FGF2: variants seen among roughly 807,000 people sequenced by gnomAD.
The protein encoded by FGF2 is basic fibroblast growth factor bFGF.
In FGF2, 13 loss-of-function variants were observed where a neutral mutation model predicts 15.9. The ratio of observed to expected loss-of-function variants is 0.82; its 90% confidence interval spans 0.53 to 1.30. The LOEUF is 1.30. FGF2 is among the 50% of genes most tolerant of loss of function. The pLI is 0.00. For missense variants in FGF2, 163 were observed against 196.9 expected (o/e 0.83, Z 1.03); for synonymous variants, 90 against 78.4 (o/e 1.15, Z -0.78).
At chr4:122,840,309 T>G (rs541255401) in intron 1 of FGF2, 2 of 152,338 alleles carry the variant, frequency 1.3e-5, no homozygotes, top group South Asian at 4.1e-4. Flanking sequence ...ATCATGTTAC[T>G]TCTCAGAAAC....
At chr4:122,830,435 C>A (rs1403077722) in intron 1 of FGF2, among the ~76,000 whole-genome samples, 2 of 152,116 alleles carry the variant, frequency 1.3e-5, no homozygotes, top group Non-Finnish European at 2.9e-5. Flanking sequence ...TGCTTCACAC[C>A]TGGGCATTCT....
In FGF2 at chr4:122,888,441, A is replaced by T. The variant is rs148626788; in HGVS notation, c.283-3770A>T. On this transcript the variant is annotated intron_variant, in intron 2 of 2. Coordinates refer to ENST00000644866, the MANE Select transcript of FGF2 (RefSeq NM_001361665.2). ...ATCATGTTATTTTTCTGCTGAAAAG[A>T]CTCCAGTGGCTCTCCATTTTCTTAG... Among the ~76,000 whole-genome samples the T allele has an allele frequency of 4.5e-3, 690 of 151,914 alleles. 9 individuals are homozygous for T. The highest frequency in any genetic ancestry group is 6.4e-3 in the Non-Finnish European group (437 of 67,936).
In FGF2 at chr4:122,897,590, T is replaced by A. The variant is rs1250416558; in HGVS notation, c.*5194T>A. 6.9e-7 allele frequency: 1 copy of A among 1,456,326 alleles called. No homozygotes were observed. Among genetic ancestry groups the A allele is most frequent in the Non-Finnish European group, 9.6e-7 (1 of 1,037,188 alleles). The allele number at this position is 1,456,326 out of a possible 1,614,324, so 90.2% of individuals were successfully genotyped here. A position where few individuals can be genotyped will look rare whatever the true frequency, so the allele number is the denominator to read the frequency against. ...GTAAACACATTAATTTCCTCAACAT[T>A]TTTAAGCCAATTAAAAATATAAAAG... is the stretch of plus-strand genomic sequence containing the variant. On this transcript the variant is annotated 3_prime_UTR_variant, in exon 3 of 3. Transcript: ENST00000644866.
chr4:122,865,073 A>G (rs576179040), intron 1 of FGF2, among the ~76,000 whole-genome samples: 1 of 152,302 alleles, frequency 6.6e-6, no homozygotes, highest in South Asian at 2.1e-4. Context: ...GTTTTTACAT[A>G]TTAAATATTC....
chr4:122,887,798 A>T (rs1427687894), intron 2 of FGF2, among the ~76,000 whole-genome samples: 1 of 152,180 alleles, frequency 6.6e-6, no homozygotes, highest in Non-Finnish European at 1.5e-5. Context: ...CTAACACATG[A>T]CAAATTTATA....
chr4:122,881,461 T>A (rs1354964039), intron 2 of FGF2, among the ~76,000 whole-genome samples: 1 of 152,228 alleles, frequency 6.6e-6, no homozygotes, highest in Non-Finnish European at 1.5e-5. Context: ...AAACATTTCT[T>A]CCGCCAGATA....
chr4:122,880,244 TC>T (rs1726934447), intron 2 of FGF2, among the ~76,000 whole-genome samples: 1 of 142,912 alleles, frequency 7.0e-6, no homozygotes, highest in Non-Finnish European at 1.5e-5. Flanking sequence ...GGCAGTCAAA[TC>T]TTTTTTTTTT....
chr4:122,884,275 C>G (rs1469900760), intron 2 of FGF2: 2 of 152,248 alleles, frequency 1.3e-5, no homozygotes, highest in African/African-American at 2.4e-5. Flanking sequence ...AGGTGGATCA[C>G]TTGAGGTCAG....
Position 122,897,556 on chromosome 4 carries a change from A to G in FGF2, c.*5160A>G, listed in dbSNP as rs189884686. ...TTTAAATTTTTATTCTTAGCTATAA[A>G]GCAAGAAAGTAAACACATTAATTTC... On this transcript the variant is annotated 3_prime_UTR_variant, in exon 3 of 3. Transcript: ENST00000644866. 7 of 1,134,300 alleles carry G rather than the reference A, an allele frequency of 6.2e-6. No individual in the cohort carries two copies. Among genetic ancestry groups the G allele is most frequent in the Admixed American group, 5.3e-5 (3 of 56,868 alleles). The allele number at this position is 1,134,300 out of a possible 1,614,324, so 70.3% of individuals were successfully genotyped here. A position where few individuals can be genotyped will look rare whatever the true frequency, so the allele number is the denominator to read the frequency against.
Position 122,827,663 on chromosome 4 carries a change from G to A in FGF2, c.178+311G>A, listed in dbSNP as rs1338929465. Among the ~76,000 whole-genome samples the A allele has an allele frequency of 6.6e-6, 1 of 152,114 alleles. No individual in the cohort carries two copies. Among genetic ancestry groups the A allele is most frequent in the Non-Finnish European group, 1.5e-5 (1 of 68,026 alleles). ...TGTCTTCCCGCGGACAACCTGTCGCGTCGGGGATGCCCGCGGCCCCGCCAT... is the reference window on the plus strand; with the variant it reads ...TGTCTTCCCGCGGACAACCTGTCGCATCGGGGATGCCCGCGGCCCCGCCAT... On this transcript the variant is annotated intron_variant, in intron 1 of 2. Transcript: ENST00000644866. The surrounding 1 kb of genome is among the most constrained non-coding windows in gnomAD (Gnocchi z 4.2).
At chr4:122,846,501 A>G (rs1464812814) in intron 1 of FGF2, among the ~76,000 whole-genome samples, 1 of 152,212 alleles carries the variant, frequency 6.6e-6, no homozygotes, top group Non-Finnish European at 1.5e-5. Context: ...ATTAAGTGAA[A>G]TAAGGAAACT....
chr4:122,868,484 TGTGTGTGTACC>T (rs1193532257), intron 1 of FGF2, among the ~76,000 whole-genome samples: 2 of 152,222 alleles, frequency 1.3e-5, no homozygotes, highest in Non-Finnish European at 2.9e-5. Flanking sequence ...TATTCCACGG[TGTGTGTGTACC>T]ACATTTTCTT....
chr4:122,833,841 G>A (rs1235861324), intron 1 of FGF2, among the ~76,000 whole-genome samples: 2 of 152,088 alleles, frequency 1.3e-5, no homozygotes, highest in Non-Finnish European at 2.9e-5. Context: ...GTTATATTTG[G>A]GAAACATTTC....
chr4:122,871,844 C>T (rs1227233870), intron 1 of FGF2, among the ~76,000 whole-genome samples: 2 of 149,870 alleles, frequency 1.3e-5, no homozygotes, highest in African/African-American at 4.9e-5. Context: ...CAAAAAATCC[C>T]CCACAAAAAC....
intron 1 of FGF2, among the ~76,000 whole-genome samples, chr4:122,834,118 A>G (rs1039489713): frequency 6.6e-6 from 1 of 152,204 alleles, no homozygotes; most frequent in South Asian, 2.1e-4. Context: ...CAGCAAAGCA[A>G]TAGGGGTTCA....
At chr4:122,839,246 T>G (rs551701245) in intron 1 of FGF2, among the ~76,000 whole-genome samples, 1 of 152,346 alleles carries the variant, frequency 6.6e-6, no homozygotes, top group Non-Finnish European at 1.5e-5. Context: ...AAATATGACA[T>G]TATAGTCTTA....
rs572219107 is a variant in FGF2, at chr4:122,879,926, A to G, written c.282+3502A>G. 5.9e-5 allele frequency among the ~76,000 whole-genome samples: 9 copies of G among 152,276 alleles called. No individual in the cohort carries two copies. The East Asian group carries it at 1.5e-3, about 26-fold the overall frequency. On this transcript the variant is annotated intron_variant, in intron 2 of 2. Coordinates refer to ENST00000644866, the MANE Select transcript of FGF2 (RefSeq NM_001361665.2). ...TGAAATTTAGGTGGGGACACAGCCA[A>G]ACCATATCATTCCACCCCTGGCCCC...
intron 1 of FGF2, among the ~76,000 whole-genome samples, chr4:122,839,953 G>T (rs923133109): frequency 6.6e-6 from 1 of 152,138 alleles, no homozygotes; most frequent in Non-Finnish European, 1.5e-5. Flanking sequence ...TTGGCTTGTC[G>T]ATGGCCACTC....
chr4:122,875,368 G>T (rs1053069352), intron 1 of FGF2, among the ~76,000 whole-genome samples: 1 of 150,048 alleles, frequency 6.7e-6, no homozygotes, highest in Non-Finnish European at 1.5e-5. Context: ...AAAATCATTT[G>T]CTGTGTAAGC....
Sources: allele counts gnomAD v4.1 joint callset (sites outside exome capture counted in the v4.1 genomes callset), GRCh38; gene constraint gnomAD v4.1.1; non-coding constraint Gnocchi (gnomAD v3.1); transcripts MANE v1.5; gene names NCBI Gene and HGNC (gene_info 2026-07-23, HGNC 2026-07-21).